Variants in FMN1 observed in about 807,000 individuals in gnomAD.
FMN1 encodes formin 1, also known as formin-1.
Under a neutral mutation model 132.4 loss-of-function variants are expected in FMN1, and 110 were observed. The observed-to-expected ratio is 0.83, with a 90% CI of 0.71 to 0.97. FMN1 has a LOEUF of 0.97. FMN1 is among the 50% of genes least tolerant of loss of function. The probability of loss-of-function intolerance (pLI) is 0.00; values close to 1 mark genes in which losing one functional copy is unlikely to be tolerated. For missense variants in FMN1, 1,792 were observed against 1,705.3 expected (o/e 1.05, Z -0.90); for synonymous variants, 722 against 651.7 (o/e 1.11, Z -1.64).
At position 33,051,095 on chromosome 15, in the gene FMN1, A is replaced by C. The variant is rs937448981; in HGVS notation, c.2161+13862T>G. On this transcript the variant is annotated intron_variant, in intron 6 of 20. Coordinates refer to ENST00000616417, the MANE Select transcript of FMN1 (RefSeq NM_001277313.2). ...GTTCACAAGGACCCCCCCTTTAAGAAGGCAGAGGGATCGGGGGATATAGAG... is the reference window on the plus strand; with the variant it reads ...GTTCACAAGGACCCCCCCTTTAAGACGGCAGAGGGATCGGGGGATATAGAG... 1.3e-5 allele frequency among the ~76,000 whole-genome samples: 2 copies of C among 152,314 alleles called. 1 individual carries two copies.
intron 7 of FMN1, among the ~76,000 whole-genome samples, chr15:32,989,576 G>A (rs2033306420): frequency 6.6e-6 from 1 of 152,078 alleles, no homozygotes. Flanking sequence ...CCAAAAGAAA[G>A]AAAGCCAAGA....
intron 4 of FMN1, among the ~76,000 whole-genome samples, chr15:33,113,512 C>A (rs957002494): frequency 3.3e-5 from 5 of 152,040 alleles, no homozygotes; most frequent in African/African-American, 1.2e-4. Flanking sequence ...TTTTTTCCAA[C>A]AACAGTTTGC....
chr15:32,798,988 G>A, intron 18 of FMN1, 35 bp from the exon 19 acceptor site: 2 of 1,598,882 alleles, frequency 1.3e-6, no homozygotes, highest in Non-Finnish European at 1.7e-6. Flanking sequence ...GAATGAGGTA[G>A]AGGTGAGAAA....
At chr15:32,935,200 C>A (rs890370111) in intron 9 of FMN1, among the ~76,000 whole-genome samples, 2 of 152,134 alleles carry the variant, frequency 1.3e-5, no homozygotes, top group East Asian at 3.9e-4. Flanking sequence ...GGATTACAGG[C>A]GTGAGCCACT....
intron 4 of FMN1, among the ~76,000 whole-genome samples, chr15:33,095,409 T>C (rs2039046679): frequency 6.6e-6 from 1 of 152,150 alleles, no homozygotes; most frequent in Non-Finnish European, 1.5e-5. Flanking sequence ...TGTATATATA[T>C]TTTTGAGATG....
chr15:33,095,354 C>A (rs2039044133), intron 4 of FMN1, among the ~76,000 whole-genome samples: 1 of 151,508 alleles, frequency 6.6e-6, no homozygotes, highest in Admixed American at 6.6e-5. Flanking sequence ...TCAAAAAAAA[C>A]AAAAAGAAAA....
intron 16 of FMN1, among the ~76,000 whole-genome samples, chr15:32,887,704 G>A (rs550023242): frequency 5.9e-5 from 9 of 152,288 alleles, no homozygotes; most frequent in African/African-American, 2.2e-4. Flanking sequence ...ACTAGAAAAT[G>A]TGAGTTCTAA....
At position 32,773,995 on chromosome 15, in the gene FMN1, T is replaced by A. The variant is rs1327829018; in HGVS notation, c.*315A>T. The A allele has an allele frequency of 2.8e-6, 1 of 363,250 alleles. No homozygotes were observed. Among genetic ancestry groups the A allele is most frequent in the Non-Finnish European group, 4.9e-6 (1 of 203,386 alleles). 22.5% of individuals were successfully genotyped at this position (363,250 alleles called of 1,614,324 possible). On this transcript the variant is annotated 3_prime_UTR_variant, in exon 21 of 21. Transcript: ENST00000616417. ...AGCTTTGGTTATAAAGCTGGAAATC[T>A]CAGCTTTTAAAAAAATTTTGGAAAC...
In FMN1 at chr15:32,964,162, T is replaced by C. The variant is rs1161685043; in HGVS notation, c.3083A>G (p.Gln1028Arg). 6.2e-7 allele frequency: 1 copy of C among 1,613,556 alleles called. No individual in the cohort carries two copies. Among genetic ancestry groups the C allele is most frequent in the East Asian group, 2.2e-5 (1 of 44,852 alleles). ...CTCTGACAGAGGTTTTTTCTTCTGTTGAGTTGTGTCTTTGGAGAATAAATA... is the reference window on the plus strand; with the variant it reads ...CTCTGACAGAGGTTTTTTCTTCTGTCGAGTTGTGTCTTTGGAGAATAAATA... ...FEYLFSKDTTQQKKKPLSETY... is the reference protein window; with the variant it reads ...FEYLFSKDTTRQKKKPLSETY... The change falls in exon 9 of 21, where the codon CAA (glutamine) becomes CGA (arginine). Residue 1028 changes from glutamine to arginine, a missense_variant. By Grantham distance (43) the Gln-to-Arg change is conservative. Coordinates refer to ENST00000616417, the MANE Select transcript of FMN1 (RefSeq NM_001277313.2).
intron 6 of FMN1, among the ~76,000 whole-genome samples, chr15:33,018,883 C>G (rs2035242694): frequency 1.3e-5 from 2 of 152,138 alleles, no homozygotes; most frequent in South Asian, 4.1e-4. Flanking sequence ...GTTCGATCCT[C>G]CGGTGGGTTC....
At chr15:32,914,433 T>C (rs2060635301) in intron 10 of FMN1, among the ~76,000 whole-genome samples, 1 of 152,092 alleles carries the variant, frequency 6.6e-6, no homozygotes, top group Non-Finnish European at 1.5e-5. Flanking sequence ...GTAGTTCAAT[T>C]TTGGTTTGAA....
At chr15:32,879,732 A>G (rs74217486) in intron 16 of FMN1, among the ~76,000 whole-genome samples, 1 of 152,080 alleles carries the variant, frequency 6.6e-6, no homozygotes, top group African/African-American at 2.4e-5. Flanking sequence ...TTATCATGTG[A>G]TAAGAGGCAG....
chr15:32,924,893 A>G (rs1185848262), intron 10 of FMN1, among the ~76,000 whole-genome samples: 1 of 152,230 alleles, frequency 6.6e-6, no homozygotes, highest in East Asian at 1.9e-4. Flanking sequence ...CAGCCTGGGC[A>G]ATAAGAGCAA....
chr15:33,161,308 A>G (rs1236732296), intron 3 of FMN1, among the ~76,000 whole-genome samples: 1 of 152,178 alleles, frequency 6.6e-6, no homozygotes, highest in Admixed American at 6.5e-5. Flanking sequence ...TACTAGATTT[A>G]GCCATTGGGA....
chr15:32,882,923 G>T (rs1465735659), intron 16 of FMN1, among the ~76,000 whole-genome samples: 5 of 152,208 alleles, frequency 3.3e-5, no homozygotes, highest in Non-Finnish European at 5.9e-5. Context: ...TCATCGGAGT[G>T]GACAGATACA....
At chr15:33,082,040 TGTGTGTGTGTGTG>T (rs2038490052) in intron 5 of FMN1, among the ~76,000 whole-genome samples, 7 of 138,968 alleles carry the variant, frequency 5.0e-5, no homozygotes, top group Admixed American at 4.3e-4. Flanking sequence ...TGTGTGTGTG[TGTGTGTGTGTGTG>T]TAAGACGGAG....
intron 4 of FMN1, among the ~76,000 whole-genome samples, chr15:33,111,379 G>C (rs1046972027): frequency 2.6e-5 from 4 of 152,100 alleles, no homozygotes; most frequent in African/African-American, 9.7e-5. Context: ...TTGCTGGTGG[G>C]AGCCTAAAAT....
chr15:32,787,934 T>C (rs567392044), intron 19 of FMN1, among the ~76,000 whole-genome samples: 1 of 152,232 alleles, frequency 6.6e-6, no homozygotes. Context: ...ATCTGACAAT[T>C]TTCCCTACTC....
rs747383038 is a variant in FMN1 at position 32,964,239 on chromosome 15, G to T, written c.3006C>A (p.Thr1002=). ...CAGGTTCTTCTAAGGAGTCCCATAA[G>T]GTTGGTGTAGCATTTTGGCTTAAAA... ...ISDRSQNATP[T]LWDSLEEPDI... Residue 1002 remains threonine (T), a synonymous_variant, in exon 9 of 21, where the codon ACC becomes ACA. Transcript: ENST00000616417. 4.4e-6 allele frequency: 7 copies of T among 1,601,868 alleles called. No individual in the cohort carries two copies. The highest frequency in any genetic ancestry group is 6.0e-6 in the Non-Finnish European group (7 of 1,173,678).
Sources: allele counts gnomAD v4.1 joint callset (sites outside exome capture counted in the v4.1 genomes callset), GRCh38; gene constraint gnomAD v4.1.1; transcripts MANE v1.5; gene names NCBI Gene and HGNC (gene_info 2026-07-23, HGNC 2026-07-21).